METAP1D: variants seen among roughly 807,000 people sequenced by gnomAD.
METAP1D encodes the protein methionine aminopeptidase 1D, mitochondrial.
Under a neutral mutation model 40.5 loss-of-function variants are expected in METAP1D, and 31 were observed. The ratio of observed to expected loss-of-function variants is 0.77; its 90% confidence interval spans 0.58 to 1.03. The LOEUF (loss-of-function observed/expected upper bound fraction) is 1.03. Ranked by LOEUF, METAP1D falls within the 50% of genes least tolerant of loss-of-function variation. The pLI is 0.00. For missense variants in METAP1D, 411 were observed against 420.7 expected (o/e 0.98, Z 0.20); for synonymous variants, 151 against 146.4 (o/e 1.03, Z -0.22).
At chr2:172,064,770 ATCAC>A (rs1690211993) in intron 3 of METAP1D, among the ~76,000 whole-genome samples, 1 of 152,234 alleles carries the variant, frequency 6.6e-6, no homozygotes, top group South Asian at 2.1e-4. Context: ...CAAAGATAAA[ATCAC>A]TCACAGTATC....
intron 1 of METAP1D, among the ~76,000 whole-genome samples, chr2:172,059,201 C>T (rs1173465767): frequency 2.0e-5 from 3 of 151,762 alleles, no homozygotes; most frequent in Non-Finnish European, 2.9e-5. Context: ...CTCTGCCTTC[C>T]GGGTTCGAGT....
chr2:172,000,116 G>A, intron 1 of METAP1D, 107 bp downstream of exon 1: 1 of 989,504 alleles, frequency 1.0e-6, no homozygotes, highest in Non-Finnish European at 1.3e-6. Flanking sequence ...CGGCGCACAC[G>A]ACTGTACTTT....
At chr2:172,009,738 T>C (rs1688667241) in intron 1 of METAP1D, among the ~76,000 whole-genome samples, 1 of 152,112 alleles carries the variant, frequency 6.6e-6, no homozygotes, top group Non-Finnish European at 1.5e-5. Context: ...ATCTGCTGCT[T>C]GTGTGTTCTG....
chr2:172,043,910 C>T (rs1689675201), intron 1 of METAP1D, among the ~76,000 whole-genome samples: 1 of 134,534 alleles, frequency 7.4e-6, no homozygotes, highest in African/African-American at 2.5e-5. Flanking sequence ...GCCTGGGCAA[C>T]ATAGTGAGAC....
chr2:172,008,117 A>G (rs1558991436), intron 1 of METAP1D, among the ~76,000 whole-genome samples: 1 of 141,810 alleles, frequency 7.1e-6, no homozygotes, highest in Non-Finnish European at 1.5e-5. Context: ...TGCTGATGGT[A>G]TTATATTCCA....
At chr2:172,014,342 C>G (rs1237784833) in intron 1 of METAP1D, among the ~76,000 whole-genome samples, 7 of 152,078 alleles carry the variant, frequency 4.6e-5, no homozygotes, top group Non-Finnish European at 1.5e-5. Flanking sequence ...GCACTCTTGA[C>G]CTCAGGTGAT....
intron 1 of METAP1D, among the ~76,000 whole-genome samples, chr2:172,048,328 C>A (rs1226802471): frequency 1.3e-5 from 2 of 152,224 alleles, no homozygotes; most frequent in Non-Finnish European, 2.9e-5. Context: ...CTCCCACAGT[C>A]AGGTAACCAA....
rs187176277 is a variant in METAP1D at position 172,032,983 on chromosome 2, C to T, written c.41-28515C>T. On this transcript the variant is annotated intron_variant, in intron 1 of 9. Coordinates refer to ENST00000315796, the MANE Select transcript of METAP1D (RefSeq NM_199227.3). The stretch of plus-strand genomic sequence containing the variant: ...CTGAGGCAGGAGAATGGCGTGAACC[C>T]GGGAGGTGGAGCTTGCAGCGAGCTG... 6.6e-5 allele frequency among the ~76,000 whole-genome samples: 10 copies of T among 151,982 alleles called. No individual in the cohort carries two copies. In the East Asian group the frequency reaches 9.7e-4, roughly 15 times the overall value.
Position 172,081,535 on chromosome 2 carries a change from C to G in METAP1D, c.*1129C>G, listed in dbSNP as rs1690716571. The G allele has an allele frequency of 6.6e-6, 1 of 152,294 alleles. No individual in the cohort carries two copies. The highest frequency in any genetic ancestry group is 2.4e-5 in the African/African-American group (1 of 41,472). 9.4% of individuals were successfully genotyped at this position (152,294 alleles called of 1,614,324 possible). A position where few individuals can be genotyped will look rare whatever the true frequency, so the allele number is the denominator to read the frequency against. On this transcript the variant is annotated 3_prime_UTR_variant, in exon 10 of 10. Coordinates refer to ENST00000315796, the MANE Select transcript of METAP1D (RefSeq NM_199227.3). ...CACGCTCTGTCTGCCAAGGGCCATTCCTGCCCGGAGCACCCTCCTTTCCCT... is the reference window on the plus strand; with the variant it reads ...CACGCTCTGTCTGCCAAGGGCCATTGCTGCCCGGAGCACCCTCCTTTCCCT...
intron 5 of METAP1D, among the ~76,000 whole-genome samples, chr2:172,068,386 T>TAAATAA (rs1372763898): frequency 1.3e-5 from 2 of 152,034 alleles, no homozygotes; most frequent in African/African-American, 4.8e-5. Flanking sequence ...AGAGCGAGAC[T>TAAATAA]CTGTCTCAAA....
At position 172,080,314 on chromosome 2, in the gene METAP1D, G is replaced by C; in HGVS notation, c.930-14G>C. On this transcript the variant is annotated splice_polypyrimidine_tract_variant and intron_variant, in intron 9 of 9. Coordinates refer to ENST00000315796, the MANE Select transcript of METAP1D (RefSeq NM_199227.3). Reference sequence around the variant, plus strand: ...CTTGCGTGCGCGTTCTGACGGCTGGGTGCTGTGTTACAGGTCGGCGCAGTT... The same window carrying C: ...CTTGCGTGCGCGTTCTGACGGCTGGCTGCTGTGTTACAGGTCGGCGCAGTT... 1 of 1,614,176 alleles carries C rather than the reference G, an allele frequency of 6.2e-7. No homozygotes were observed.
At chr2:172,075,889 C>A (rs1364881858) in intron 6 of METAP1D, among the ~76,000 whole-genome samples, 1 of 152,180 alleles carries the variant, frequency 6.6e-6, no homozygotes, top group African/African-American at 2.4e-5. Flanking sequence ...AATCCTCTAA[C>A]CTTTGCATCC....
chr2:172,045,052 G>T (rs920065207), intron 1 of METAP1D, among the ~76,000 whole-genome samples: 1 of 134,498 alleles, frequency 7.4e-6, no homozygotes, highest in Non-Finnish European at 1.7e-5. Flanking sequence ...TCATTTATCA[G>T]ACTAACAGAT....
chr2:172,026,706 C>A (rs1689127865), intron 1 of METAP1D, among the ~76,000 whole-genome samples: 1 of 152,044 alleles, frequency 6.6e-6, no homozygotes, highest in South Asian at 2.1e-4. Context: ...TAGTGTCCCC[C>A]AAATTTGTTT....
At chr2:172,016,100 A>C (rs960007647) in intron 1 of METAP1D, among the ~76,000 whole-genome samples, 2 of 147,320 alleles carry the variant, frequency 1.4e-5, no homozygotes, top group African/African-American at 2.5e-5. Flanking sequence ...CTATCAAAAA[A>C]AAAAAAACAA....
chr2:172,048,222 T>A (rs917196890), intron 1 of METAP1D, among the ~76,000 whole-genome samples: 1 of 152,222 alleles, frequency 6.6e-6, no homozygotes, highest in Non-Finnish European at 1.5e-5. Context: ...ATCTCATGAT[T>A]ACTTTGTGAA....
rs12328877 is a variant in METAP1D at position 172,050,327 on chromosome 2, C to T, written c.41-11171C>T. Among the ~76,000 whole-genome samples, 5,946 of 151,888 alleles carry T rather than the reference C, an allele frequency of 0.039. 638 individuals are homozygous for T. In the East Asian group the frequency reaches 0.45, roughly 12 times the overall value. ...AGCCCTCATATCTTCTGTTATTGGG[C>T]ATTTTAATACAAAATAACTAATATT... On this transcript the variant is annotated intron_variant, in intron 1 of 9. Transcript: ENST00000315796.
intron 1 of METAP1D, among the ~76,000 whole-genome samples, chr2:172,016,300 A>AAAAAATATAT (rs1553490378): frequency 1.1e-3 from 44 of 40,032 alleles, no homozygotes; most frequent in Admixed American, 5.1e-3. Flanking sequence ...AAAAAAAAAA[A>AAAAAATATAT]ATATATATAT....
intron 1 of METAP1D, among the ~76,000 whole-genome samples, chr2:172,057,993 T>TGTGATCATAGCTCAGTGCATAACTCA (rs1690039262): frequency 6.6e-6 from 1 of 150,770 alleles, no homozygotes; most frequent in Non-Finnish European, 1.5e-5. Flanking sequence ...AGTGCAGTGG[T>TGTGATCATAGCTCAGTGCATAACTCA]GTGATCATAG....
Sources: allele counts gnomAD v4.1 joint callset (sites outside exome capture counted in the v4.1 genomes callset), GRCh38; gene constraint gnomAD v4.1.1; transcripts MANE v1.5; gene names NCBI Gene and HGNC (gene_info 2026-07-23, HGNC 2026-07-21).